The following PTBP3 variants were observed in gnomAD, a reference collection of about 807,000 sequenced individuals.
PTBP3 encodes the protein polypyrimidine tract binding protein 3.
PTBP3 carries 20 observed loss-of-function variants against 58.7 expected under a neutral mutation model. The observed-to-expected ratio is 0.34, with a 90% CI of 0.24 to 0.50. The LOEUF is 0.50. Ranked by LOEUF, PTBP3 falls within the 20% of genes least tolerant of loss-of-function variation. The probability of loss-of-function intolerance (pLI) is 0.98; values close to 1 mark genes in which losing one functional copy is unlikely to be tolerated. For synonymous variants in PTBP3, 185 were observed against 219.8 expected, an observed-to-expected ratio of 0.84 and a Z score of 1.40; for missense variants, 509 against 637.2, an observed-to-expected ratio of 0.80 and a Z score of 2.17.
At chr9:112,370,631 C>T in the PTBP3 span, among the ~76,000 whole-genome samples, 1 of 152,100 alleles carries the variant, frequency 6.6e-6, no homozygotes. Context: ...CACAAGTCCA[C>T]ATTAATTTGA....
chr9:112,347,758 G>A, the PTBP3 span, among the ~76,000 whole-genome samples: 6 of 152,112 alleles, frequency 3.9e-5, no homozygotes, highest in Non-Finnish European at 7.3e-5. Context: ...TATAAAACAT[G>A]ACAAGGGATT....
intron 1 of PTBP3, among the ~76,000 whole-genome samples, chr9:112,304,481 T>C (rs966618685): frequency 6.6e-6 from 1 of 152,238 alleles, no homozygotes; most frequent in African/African-American, 2.4e-5. Flanking sequence ...TAATATGAAT[T>C]TTACAAAGTT....
intron 7 of PTBP3, among the ~76,000 whole-genome samples, chr9:112,243,467 G>A (rs1368569180): frequency 7.2e-5 from 11 of 152,050 alleles, no homozygotes; most frequent in African/African-American, 1.4e-4. Context: ...GCTTGAACCC[G>A]GGAGGCAGAG....
At chr9:112,233,573 G>T (rs991083955) in intron 8 of PTBP3, among the ~76,000 whole-genome samples, 1 of 151,850 alleles carries the variant, frequency 6.6e-6, no homozygotes, top group African/African-American at 2.4e-5. Context: ...CACCAAGATG[G>T]TAAAATTTAA....
chr9:112,277,238 A>G (rs770879766), intron 2 of PTBP3, among the ~76,000 whole-genome samples: 14 of 152,180 alleles, frequency 9.2e-5, no homozygotes, highest in Non-Finnish European at 1.6e-4. Flanking sequence ...CTAAATGACT[A>G]ACAATACCTA....
intron 2 of PTBP3, among the ~76,000 whole-genome samples, chr9:112,289,537 T>A: frequency 6.6e-6 from 1 of 152,224 alleles, no homozygotes; most frequent in East Asian, 1.9e-4. Context: ...TCCCAACACT[T>A]TGGGAGGCCA....
At chr9:112,270,727 T>A (rs754078460) in intron 3 of PTBP3, among the ~76,000 whole-genome samples, 4 of 152,162 alleles carry the variant, frequency 2.6e-5, no homozygotes, top group Non-Finnish European at 4.4e-5. Context: ...TTTTCAGTGA[T>A]CTCCTTACCA....
rs1466513723 is a variant in PTBP3 at position 112,323,445 on chromosome 9, C to A, written c.-52+10025G>T. Among the ~76,000 whole-genome samples, 11 of 152,170 alleles carry A rather than the reference C, an allele frequency of 7.2e-5. No individual in the cohort carries two copies. The East Asian group carries it at 1.9e-3, about 27-fold the overall frequency. On this transcript the variant is annotated intron_variant, in intron 1 of 13. Coordinates refer to ENST00000374257, the MANE Select transcript of PTBP3 (RefSeq NM_001163788.4). The stretch of plus-strand genomic sequence containing the variant: ...TTTCTTTTCTCAAAAAAGAAAAGTG[C>A]CATGGTATTGGCCTCTATGCACATC...
At chr9:112,332,796 T>G (rs760518978) in intron 1 of PTBP3, 2 of 1,612,452 alleles carry the variant, frequency 1.2e-6, no homozygotes, top group South Asian at 1.1e-5. Context: ...GGGCAGATAA[T>G]TCATTAAGTT....
chr9:112,273,961 A>G (rs985406870), intron 3 of PTBP3, among the ~76,000 whole-genome samples: 30 of 152,242 alleles, frequency 2.0e-4, no homozygotes, highest in Non-Finnish European at 4.4e-5. Flanking sequence ...AGCAGAGACA[A>G]AGAAAATTAT....
At chr9:112,256,273 ATATATATATAT>A (rs1836348768) in intron 5 of PTBP3, among the ~76,000 whole-genome samples, 4 of 72,790 alleles carry the variant, frequency 5.5e-5, no homozygotes, top group Admixed American at 2.6e-4. Context: ...AAAAAACAAA[ATATATATATAT>A]ATATATATAC....
intron 1 of PTBP3, among the ~76,000 whole-genome samples, chr9:112,317,900 G>A (rs533659907): frequency 1.9e-4 from 28 of 150,286 alleles, no homozygotes; most frequent in African/African-American, 6.9e-4. Flanking sequence ...CCAAGATCGC[G>A]CCACTGCACT....
At position 112,227,567 on chromosome 9, in the gene PTBP3, T is replaced by C. The variant is rs201083895; in HGVS notation, c.1208A>G (p.Lys403Arg). 58 of 1,613,868 alleles carry C rather than the reference T, an allele frequency of 3.6e-5. No individual in the cohort carries two copies. Among genetic ancestry groups the C allele is most frequent in the Non-Finnish European group, 4.6e-5 (54 of 1,179,942 alleles). ...YGKVLRATLS[K>R]HQAVQLPREG... ...TCGAGGAAGCTGTACTGCTTGATGTTTGGACAGTGTAGCACGAAGCACTTT... is the reference window on the plus strand; with the variant it reads ...TCGAGGAAGCTGTACTGCTTGATGTCTGGACAGTGTAGCACGAAGCACTTT... Residue 403 changes from lysine (K) to arginine (R), a missense_variant, in exon 12 of 14, where the codon AAA (lysine) becomes AGA (arginine). Lys to Arg is a conservative substitution (Grantham distance 26). Around this residue, in one of 4 missense-constraint regions of PTBP3, gnomAD observed 135 missense variants for 229.0 expected, o/e 0.59. Transcript: ENST00000374257.
chr9:112,371,646 A>ATTTTTTTTTTTTTTTTTTTTTTTTTTT, the PTBP3 span, among the ~76,000 whole-genome samples: 1 of 127,544 alleles, frequency 7.8e-6, no homozygotes. Context: ...TTTTTAGTAG[A>ATTTTTTTTTTTTTTTTTTTTTTTTTTT]TTTTTTTTTT....
the PTBP3 span, among the ~76,000 whole-genome samples, chr9:112,362,129 A>C: frequency 1.3e-5 from 2 of 152,268 alleles, no homozygotes; most frequent in East Asian, 3.9e-4. Context: ...GCTTGAGTTC[A>C]GGAGTTTGAG....
intron 3 of PTBP3, among the ~76,000 whole-genome samples, chr9:112,270,031 G>A (rs1032751508): frequency 5.4e-5 from 8 of 149,158 alleles, no homozygotes; most frequent in Non-Finnish European, 1.2e-4. Context: ...TATACCCTCC[G>A]TCTCCTGGGT....
intron 7 of PTBP3, among the ~76,000 whole-genome samples, chr9:112,241,846 T>G (rs1449649918): frequency 6.6e-6 from 1 of 152,236 alleles, no homozygotes; most frequent in Non-Finnish European, 1.5e-5. Context: ...CACTGATCTT[T>G]CTCACACTAT....
rs1256541240 is a variant in PTBP3, at chr9:112,222,429, G to A, written c.*1422C>T. The stretch of plus-strand genomic sequence containing the variant: ...CAAAGAAAAGCAAGTTCTCGCTTGA[G>A]GACTGAGAAAAACCAAGTAATCCTG... On this transcript the variant is annotated 3_prime_UTR_variant, in exon 14 of 14. Transcript: ENST00000374257. 9.1e-6 allele frequency: 9 copies of A among 985,362 alleles called. No homozygotes were observed. The highest frequency in any genetic ancestry group is 1.7e-5 in the African/African-American group (1 of 57,188). 61.0% of individuals were successfully genotyped at this position (985,362 alleles called of 1,614,324 possible).
upstream of PTBP3, among the ~76,000 whole-genome samples, chr9:112,336,758 A>T (rs575692645): frequency 6.6e-6 from 1 of 152,184 alleles, no homozygotes; most frequent in Admixed American, 6.5e-5. Context: ...AAAAAATAAT[A>T]CAGGAAGACC....
Sources: allele counts gnomAD v4.1 joint callset (sites outside exome capture counted in the v4.1 genomes callset), GRCh38; gene constraint gnomAD v4.1.1; regional missense constraint gnomAD v4.1.1; transcripts MANE v1.5; gene names NCBI Gene and HGNC (gene_info 2026-07-23, HGNC 2026-07-21).